HS2ST1: variants seen among roughly 807,000 people sequenced by gnomAD.
HS2ST1 encodes the protein heparan sulfate 2-O-sulfotransferase 1.
A neutral mutation model predicts 42.9 loss-of-function variants in HS2ST1; 18 were observed. The ratio of observed to expected loss-of-function variants is 0.42; its 90% CI spans 0.29 to 0.62. The LOEUF (loss-of-function observed/expected upper bound fraction) is 0.62, where lower values mean the gene tolerates loss of function less well. Among genes scored for constraint, HS2ST1 ranks in the 20% least tolerant of loss-of-function variants. HS2ST1 has a pLI of 0.21. For missense variants in HS2ST1, 334 were observed against 433.8 expected (o/e 0.77, Z 2.04); for synonymous variants, 146 against 152.9 (o/e 0.95, Z 0.33).
chr1:86,967,380 T>C (rs1262755485), intron 1 of HS2ST1, among the ~76,000 whole-genome samples: 1 of 152,154 alleles, frequency 6.6e-6, no homozygotes, highest in Non-Finnish European at 1.5e-5. Flanking sequence ...ATTCTGAGAT[T>C]TTAGTTTGCC....
At chr1:87,088,159 T>C (rs1363980750) in intron 3 of HS2ST1, among the ~76,000 whole-genome samples, 1 of 152,108 alleles carries the variant, frequency 6.6e-6, no homozygotes, top group African/African-American at 2.4e-5. Context: ...TGTCTGAATC[T>C]CTGCTGGTCC....
At chr1:87,059,653 A>G (rs974445839) in intron 1 of HS2ST1, among the ~76,000 whole-genome samples, 4 of 152,196 alleles carry the variant, frequency 2.6e-5, no homozygotes, top group African/African-American at 9.6e-5. Context: ...TAACTATGAT[A>G]TTTTGTATTT....
rs141814216 is a variant in HS2ST1 at position 87,043,294 on chromosome 1, A to G, written c.125-29640A>G. 3.7e-3 allele frequency among the ~76,000 whole-genome samples: 567 copies of G among 152,242 alleles called. 3 individuals are homozygous for G. Among genetic ancestry groups the G allele is most frequent in the African/African-American group, 0.013 (531 of 41,580 alleles). ...CTACATTGATTATTCTGGGTAAAAA[A>G]TAATAAATTATGTAAGTTTAAGAAC... On this transcript the variant is annotated intron_variant, in intron 1 of 6. Transcript: ENST00000370550.
chr1:86,984,141 A>G (rs1335803712), intron 1 of HS2ST1, among the ~76,000 whole-genome samples: 6 of 152,350 alleles, frequency 3.9e-5, no homozygotes. Flanking sequence ...CTAACCTTGT[A>G]AAAGTAGGTA....
At chr1:87,069,336 G>C (rs559017064) in intron 1 of HS2ST1, among the ~76,000 whole-genome samples, 15 of 152,294 alleles carry the variant, frequency 9.8e-5, no homozygotes, top group Admixed American at 2.6e-4. Flanking sequence ...TACATTCTAA[G>C]TGCACTGCAA....
intron 1 of HS2ST1, among the ~76,000 whole-genome samples, chr1:87,026,002 A>T (rs1650078446): frequency 6.6e-6 from 1 of 152,220 alleles, no homozygotes; most frequent in Non-Finnish European, 1.5e-5. Context: ...GTGTTAAAAA[A>T]ATATATTCTT....
At chr1:86,951,615 T>A (rs1318679387) in intron 1 of HS2ST1, among the ~76,000 whole-genome samples, 3 of 152,186 alleles carry the variant, frequency 2.0e-5, no homozygotes, top group African/African-American at 7.2e-5. Flanking sequence ...TTGTGTTGAT[T>A]TAAATGACTG....
At position 87,103,414 on chromosome 1, in the gene HS2ST1, C is replaced by A; in HGVS notation, c.687-18C>A. The A allele has an allele frequency of 6.3e-7, 1 of 1,576,906 alleles. No individual in the cohort carries two copies. The highest frequency in any genetic ancestry group is 8.6e-7 in the Non-Finnish European group (1 of 1,165,258). ...CAGATTTCACAACCAGGTTTTAATT[C>A]CTTTTCTTTGGTTTCAGGAATGTGG... On this transcript the variant is annotated intron_variant, in intron 5 of 6. Coordinates refer to ENST00000370550, the MANE Select transcript of HS2ST1 (RefSeq NM_012262.4).
intron 1 of HS2ST1, among the ~76,000 whole-genome samples, chr1:86,936,040 CAT>C (rs1457966664): frequency 2.6e-5 from 4 of 151,878 alleles, no homozygotes; most frequent in African/African-American, 9.7e-5. Flanking sequence ...CTTTTTTTGT[CAT>C]ATGTATAGTT....
rs557281830 is a variant in HS2ST1, at chr1:86,950,670, T to C, written c.124+35510T>C. On this transcript the variant is annotated intron_variant, in intron 1 of 6. Coordinates refer to ENST00000370550, the MANE Select transcript of HS2ST1 (RefSeq NM_012262.4). ...ATGATGCTGCAAGTAACATTCAAATTGTTAACCAAAGAAAAATTGTGTCTG... is the reference window on the plus strand; with the variant it reads ...ATGATGCTGCAAGTAACATTCAAATCGTTAACCAAAGAAAAATTGTGTCTG... Among the ~76,000 whole-genome samples, 6 of 152,316 alleles carry C rather than the reference T, an allele frequency of 3.9e-5. No individual in the cohort carries two copies. The East Asian group carries it at 1.2e-3, about 29-fold the overall frequency.
chr1:87,072,135 A>T (rs1409569907), intron 1 of HS2ST1, among the ~76,000 whole-genome samples: 2 of 152,190 alleles, frequency 1.3e-5, no homozygotes, highest in African/African-American at 4.8e-5. Context: ...CACATAGCAG[A>T]TAGGTAATTT....
At chr1:86,988,413 A>G (rs1648852246) in intron 1 of HS2ST1, among the ~76,000 whole-genome samples, 1 of 152,220 alleles carries the variant, frequency 6.6e-6, no homozygotes, top group South Asian at 2.1e-4. Flanking sequence ...CTGTTCCCAT[A>G]CAGAGTTGTG....
chr1:86,982,554 G>T (rs909806252), intron 1 of HS2ST1, among the ~76,000 whole-genome samples: 7 of 151,530 alleles, frequency 4.6e-5, no homozygotes, highest in Non-Finnish European at 8.8e-5. Context: ...TTGCTGTGTC[G>T]CCCAGGCTGG....
At chr1:87,049,233 T>G (rs1321597977) in intron 1 of HS2ST1, among the ~76,000 whole-genome samples, 1 of 151,790 alleles carries the variant, frequency 6.6e-6, no homozygotes, top group Non-Finnish European at 1.5e-5. Flanking sequence ...GTCTGTAGTA[T>G]TCTCTCCTTT....
At chr1:87,102,901 C>CA (rs1652249899) in intron 5 of HS2ST1, among the ~76,000 whole-genome samples, 1 of 152,044 alleles carries the variant, frequency 6.6e-6, no homozygotes, top group Admixed American at 6.6e-5. Flanking sequence ...TATTTTGGAT[C>CA]AAATCTCTGT....
At chr1:87,088,161 T>C (rs1651856579) in intron 3 of HS2ST1, among the ~76,000 whole-genome samples, 1 of 152,134 alleles carries the variant, frequency 6.6e-6, no homozygotes, top group Non-Finnish European at 1.5e-5. Context: ...TCTGAATCTC[T>C]GCTGGTCCTT....
chr1:87,015,377 T>G (rs942778718), intron 1 of HS2ST1, among the ~76,000 whole-genome samples: 2 of 134,072 alleles, frequency 1.5e-5, no homozygotes, highest in African/African-American at 2.8e-5. Flanking sequence ...AGACAGAGTC[T>G]CGTTCCGTGG....
At chr1:87,102,575 A>G (rs546674143) in intron 5 of HS2ST1, among the ~76,000 whole-genome samples, 1 of 152,282 alleles carries the variant, frequency 6.6e-6, no homozygotes, top group East Asian at 1.9e-4. Context: ...GCAAAACCTA[A>G]AATATTTATC....
intron 1 of HS2ST1, among the ~76,000 whole-genome samples, chr1:87,050,344 A>T (rs895579243): frequency 6.6e-6 from 1 of 151,972 alleles, no homozygotes; most frequent in Non-Finnish European, 1.5e-5. Flanking sequence ...TTATTCCTAA[A>T]ATTTCTATTT....
Sources: allele counts gnomAD v4.1 joint callset (sites outside exome capture counted in the v4.1 genomes callset), GRCh38; gene constraint gnomAD v4.1.1; transcripts MANE v1.5; gene names NCBI Gene and HGNC (gene_info 2026-07-23, HGNC 2026-07-21).